Variants in RP1 observed in about 807,000 individuals in gnomAD.
The protein encoded by RP1 is RP1 axonemal microtubule associated, also known as oxygen-regulated protein 1.
A neutral mutation model predicts 14.8 loss-of-function variants in RP1; 16 were observed. The observed-to-expected ratio is 1.08, with a 90% CI of 0.73 to 1.65. The LOEUF is 1.65. Among genes scored for constraint, RP1 ranks in the 40% most tolerant of loss-of-function variants. The pLI is 0.00. For synonymous variants in RP1, 876 were observed against 883.6 expected (o/e 0.99, Z 0.15); for missense variants, 2,631 against 2,535.0 (o/e 1.04, Z -0.81).
chr8:54,586,004 G>A (rs535737600), intron 1 of RP1, among the ~76,000 whole-genome samples: 1 of 152,342 alleles, frequency 6.6e-6, no homozygotes, highest in East Asian at 1.9e-4. Context: ...ACTCGTCAAA[G>A]TCATTCTCCG....
At chr8:54,708,375 G>A (rs544590096) in intron 15 of RP1, among the ~76,000 whole-genome samples, 48 of 108,856 alleles carry the variant, frequency 4.4e-4, no homozygotes, top group African/African-American at 1.4e-3. Flanking sequence ...TTTCTTTTTT[G>A]AGACATAGTC....
intron 24 of RP1, among the ~76,000 whole-genome samples, chr8:54,825,074 A>G (rs1811356089): frequency 6.6e-6 from 1 of 151,902 alleles, no homozygotes; most frequent in African/African-American, 2.4e-5. Flanking sequence ...GGTTCACGCC[A>G]TTCTCCTGCC....
intron 15 of RP1, among the ~76,000 whole-genome samples, chr8:54,715,757 A>C (rs1465261599): frequency 6.6e-6 from 1 of 152,234 alleles, no homozygotes; most frequent in Non-Finnish European, 1.5e-5. Context: ...AATTAGTAAA[A>C]AGAAATTTAG....
chr8:54,569,263 C>G (rs572459301), intron 1 of RP1, among the ~76,000 whole-genome samples: 13 of 152,326 alleles, frequency 8.5e-5, no homozygotes, highest in African/African-American at 2.9e-4. Flanking sequence ...ACCGAGAGGC[C>G]TTCTCAGTGA....
intron 26 of RP1, among the ~76,000 whole-genome samples, chr8:54,855,498 A>G (rs1375151771): frequency 6.6e-6 from 1 of 152,240 alleles, no homozygotes; most frequent in Non-Finnish European, 1.5e-5. Context: ...AAGATAAATT[A>G]TACTATTTTA....
chr8:54,772,469 C>T (rs1044275961), downstream of RP1, among the ~76,000 whole-genome samples: 1 of 152,126 alleles, frequency 6.6e-6, no homozygotes, highest in African/African-American at 2.4e-5. Context: ...TTATTATCCT[C>T]ATATGTTGTC....
At chr8:54,734,018 A>C (rs1306916895) in intron 17 of RP1, among the ~76,000 whole-genome samples, 1 of 152,126 alleles carries the variant, frequency 6.6e-6, no homozygotes, top group Non-Finnish European at 1.5e-5. Flanking sequence ...TATGTGTGAA[A>C]ATTCTCTCTT....
exon 8 of RP1, chr8:54,673,909 C>T: frequency 2.0e-6 from 3 of 1,535,746 alleles, no homozygotes; most frequent in Non-Finnish European, 2.6e-6. Context: ...TTGTGATAGG[C>T]CATGATGGAC....
intron 7 of RP1, among the ~76,000 whole-genome samples, chr8:54,664,802 T>C (rs1033825064): frequency 6.6e-6 from 1 of 152,122 alleles, no homozygotes; most frequent in Non-Finnish European, 1.5e-5. Flanking sequence ...AGGGTACTCA[T>C]GGACACAATG....
At chr8:54,734,301 C>T (rs1048296010) in intron 17 of RP1, among the ~76,000 whole-genome samples, 1 of 152,048 alleles carries the variant, frequency 6.6e-6, no homozygotes, top group African/African-American at 2.4e-5. Flanking sequence ...TGAAAGATTG[C>T]CATGTAGGTC....
Position 54,621,028 on chromosome 8 carries a change from T to C in RP1, c.62T>C (p.Val21Ala). 6.2e-7 allele frequency: 1 copy of C among 1,614,164 alleles called. No homozygotes were observed. Among genetic ancestry groups the C allele is most frequent in the East Asian group, 2.2e-5 (1 of 44,866 alleles). The change falls in exon 2 of 4, where the codon GTT (valine) becomes GCT (alanine). Residue 21 changes from valine to alanine, a missense_variant. Physicochemically the swap from Val to Ala is moderately conservative, Grantham distance 64 (BLOSUM62 0). Coordinates refer to ENST00000220676, the MANE Select transcript of RP1 (RefSeq NM_006269.2). ...IIHPTSSEGQ[V>A]PPPRHLSLTH... is the part of the protein sequence containing the mutation. ...CATCCTACGTCTTCTGAAGGTCAAGTTCCACCCCCTCGCCATTTGAGCCTC... is the reference window on the plus strand; with the variant it reads ...CATCCTACGTCTTCTGAAGGTCAAGCTCCACCCCCTCGCCATTTGAGCCTC...
At position 54,627,577 on chromosome 8, in the gene RP1, TCTC is replaced by T; in HGVS notation, c.3699_3701del (p.Ser1234del). 1.9e-6 allele frequency: 3 copies of T among 1,614,158 alleles called. No homozygotes were observed. The highest frequency in any genetic ancestry group is 2.5e-6 in the Non-Finnish European group (3 of 1,179,986). ...AGTGAAAATGAAAGAACACAAGGAA[TCTC>T]CTCTTTGGATGGAGGTTGCTCTGCC... is the stretch of plus-strand genomic sequence containing the variant. On this transcript the variant is annotated inframe_deletion, in exon 4 of 4. Transcript: ENST00000220676.
chr8:54,746,345 A>C (rs1458738727), intron 19 of RP1, among the ~76,000 whole-genome samples: 1 of 152,162 alleles, frequency 6.6e-6, no homozygotes, highest in Non-Finnish European at 1.5e-5. Flanking sequence ...GGGTCATGTG[A>C]TGTCATTCAG....
chr8:54,683,183 G>A (rs422104), intron 12 of RP1, among the ~76,000 whole-genome samples: 39,096 of 151,858 alleles, frequency 0.26, 5,356 homozygotes, highest in East Asian at 0.42. Context: ...TAACAGTACC[G>A]TGCTGTTTTG....
chr8:54,694,459 T>C (rs916330062), intron 12 of RP1, among the ~76,000 whole-genome samples: 4 of 152,292 alleles, frequency 2.6e-5, no homozygotes, highest in African/African-American at 9.6e-5. Context: ...TGGACTCTTT[T>C]TGGTTGGTAA....
chr8:54,804,216 G>A (rs548446946), intron 24 of RP1, among the ~76,000 whole-genome samples: 12 of 151,980 alleles, frequency 7.9e-5, no homozygotes, highest in African/African-American at 1.9e-4. Flanking sequence ...TTGCAACTCC[G>A]ATTTAAAACA....
chr8:54,562,017 G>C (rs1037871532), intron 1 of RP1: 1 of 152,162 alleles, frequency 6.6e-6, no homozygotes, highest in Non-Finnish European at 1.5e-5. Flanking sequence ...AAGTACCTTA[G>C]CTACAGAAGG....
chr8:54,822,618 A>G (rs1329861717), intron 24 of RP1, among the ~76,000 whole-genome samples: 2 of 152,188 alleles, frequency 1.3e-5, no homozygotes, highest in East Asian at 3.8e-4. Flanking sequence ...GTTTATGAGG[A>G]CAAAAAACAA....
chr8:54,622,070 A>T (rs779154813), intron 2 of RP1, 47 bp from the exon 3 acceptor site: 1 of 1,583,842 alleles, frequency 6.3e-7, no homozygotes, highest in South Asian at 1.1e-5. Context: ...ATTACCACTT[A>T]GTATAAAATG....
Sources: gnomAD v4.1 joint callset for allele counts (sites outside exome capture counted in the v4.1 genomes callset) on GRCh38, gnomAD v4.1.1 for gene constraint, MANE v1.5 for transcripts, NCBI Gene and HGNC (gene_info 2026-07-23, HGNC 2026-07-21) for gene names.